The following OR2L2 variants were observed in gnomAD, a reference collection of about 807,000 sequenced individuals.
The protein encoded by OR2L2 is olfactory receptor 2L2.
For missense variants in OR2L2, 378 were observed against 375.2 expected (o/e 1.01, Z -0.06); for synonymous variants, 156 against 135.4 (o/e 1.15, Z -1.06).
chr1:248,037,832 A>T (rs1230934216), intron 2 of OR2L2, among the ~76,000 whole-genome samples: 1 of 152,168 alleles, frequency 6.6e-6, no homozygotes, highest in Non-Finnish European at 1.5e-5. Context: ...ATAAATTTTC[A>T]ATTGGTTTTC....
At chr1:248,035,201 A>G (rs1662723915) in intron 1 of OR2L2, among the ~76,000 whole-genome samples, 2 of 152,098 alleles carry the variant, frequency 1.3e-5, no homozygotes, top group Non-Finnish European at 2.9e-5. Flanking sequence ...CTGTAATCCC[A>G]GTACTTTGGG....
At position 248,040,477 on chromosome 1, in the gene OR2L2, C is replaced by T. The variant is rs1332638311; in HGVS notation, c.*1271C>T. 6.6e-6 allele frequency: 1 copy of T among 152,302 alleles called. No individual in the cohort carries two copies. The highest frequency in any genetic ancestry group is 1.5e-5 in the Non-Finnish European group (1 of 68,114). The allele number at this position is 152,302 out of a possible 1,614,324, so 9.4% of individuals were successfully genotyped here. On this transcript the variant is annotated 3_prime_UTR_variant, in exon 3 of 3. Coordinates refer to ENST00000641771, the MANE Select transcript of OR2L2 (RefSeq NM_001385855.1). ...TGTGGATTTTGTTCTGCCTCCACCACTCCTGAGACAACAAGTACAACCTCT... is the reference window on the plus strand; with the variant it reads ...TGTGGATTTTGTTCTGCCTCCACCATTCCTGAGACAACAAGTACAACCTCT...
chr1:248,032,080 C>A (rs943174294), intron 1 of OR2L2, among the ~76,000 whole-genome samples: 3 of 152,060 alleles, frequency 2.0e-5, no homozygotes, highest in Non-Finnish European at 4.4e-5. Flanking sequence ...TAAATTCAAA[C>A]TATTGCATCA....
chr1:248,036,330 C>CA (rs1662759700), intron 2 of OR2L2, among the ~76,000 whole-genome samples: 1 of 151,914 alleles, frequency 6.6e-6, no homozygotes, highest in African/African-American at 2.4e-5. Flanking sequence ...TCTTTAATTT[C>CA]AAAGAGTCAT....
chr1:248,031,830 C>CT (rs1662629375), intron 1 of OR2L2, among the ~76,000 whole-genome samples: 1 of 151,956 alleles, frequency 6.6e-6, no homozygotes, highest in Admixed American at 6.6e-5. Flanking sequence ...TGTTATTTTT[C>CT]TTTTTTAAAA....
rs966018028 is a variant in OR2L2 at position 248,041,382 on chromosome 1, G to A, written c.*2176G>A. 5 of 152,060 alleles carry A rather than the reference G, an allele frequency of 3.3e-5. No homozygotes were observed. The highest frequency in any genetic ancestry group is 9.7e-5 in the African/African-American group (4 of 41,410). The allele number at this position is 152,060 out of a possible 1,614,324, so 9.4% of individuals were successfully genotyped here. A position where few individuals can be genotyped will look rare whatever the true frequency, so the allele number is the denominator to read the frequency against. On this transcript the variant is annotated 3_prime_UTR_variant, in exon 3 of 3. Transcript: ENST00000641771. ...TTCAAGATGGATTAAAGACTTAAAC[G>A]TTAGACCTAAAACCATAAAAACCCT...
In OR2L2 at chr1:248,041,214, A is replaced by G. The variant is rs1241897417; in HGVS notation, c.*2008A>G. ...CTCAGAAATAACGCCGCATATCTAC[A>G]ACTATCTGATCTTTGACAAACCTGA... On this transcript the variant is annotated 3_prime_UTR_variant, in exon 3 of 3. Transcript: ENST00000641771. 1.3e-5 allele frequency: 2 copies of G among 152,204 alleles called. No homozygotes were observed. The highest frequency in any genetic ancestry group is 4.8e-5 in the African/African-American group (2 of 41,456). The allele number at this position is 152,204 out of a possible 1,614,324, so 9.4% of individuals were successfully genotyped here. A position where few individuals can be genotyped will look rare whatever the true frequency, so the allele number is the denominator to read the frequency against.
chr1:248,036,311 ATTATTGTATC>A (rs1662759226), intron 2 of OR2L2, among the ~76,000 whole-genome samples: 2 of 152,008 alleles, frequency 1.3e-5, no homozygotes, highest in Admixed American at 1.3e-4. Context: ...TGCGGTATCA[ATTATTGTATC>A]TTTAATTTCA....
Position 248,040,171 on chromosome 1 carries a change from C to T in OR2L2, c.*965C>T, listed in dbSNP as rs1662910900. ...ACTATTCAGCTTGGATTGGGATCAG[C>T]TCCTCTGCTCCACTATTTTTATACC... On this transcript the variant is annotated 3_prime_UTR_variant, in exon 3 of 3. Transcript: ENST00000641771. 6.6e-6 allele frequency: 1 copy of T among 152,230 alleles called. No individual in the cohort carries two copies. Among genetic ancestry groups the T allele is most frequent in the African/African-American group, 2.4e-5 (1 of 41,450 alleles). The allele number at this position is 152,230 out of a possible 1,614,324, so 9.4% of individuals were successfully genotyped here. A position where few individuals can be genotyped will look rare whatever the true frequency, so the allele number is the denominator to read the frequency against.
At chr1:248,035,051 T>C (rs1033514720) in intron 1 of OR2L2, among the ~76,000 whole-genome samples, 8 of 133,078 alleles carry the variant, frequency 6.0e-5, no homozygotes, top group East Asian at 4.2e-4. Context: ...TATCTTTCCC[T>C]TTTTTTTTTT....
chr1:248,039,209 A>G lies in OR2L2; in HGVS notation c.*3A>G, dbSNP rs1229821020. On this transcript the variant is annotated 3_prime_UTR_variant, in exon 3 of 3. Coordinates refer to ENST00000641771, the MANE Select transcript of OR2L2 (RefSeq NM_001385855.1). Reference sequence around the variant, plus strand: ...AAATCTTCTCAGTGAAAATGTAGACATACGTTCTGTGTTAGAGTCAAAGCG... The same window carrying G: ...AAATCTTCTCAGTGAAAATGTAGACGTACGTTCTGTGTTAGAGTCAAAGCG... 6.2e-7 allele frequency: 1 copy of G among 1,601,044 alleles called. No individual in the cohort carries two copies. Among genetic ancestry groups the G allele is most frequent in the Non-Finnish European group, 8.5e-7 (1 of 1,173,512 alleles).
chr1:248,037,124 C>G (rs542520384), intron 2 of OR2L2, among the ~76,000 whole-genome samples: 39 of 152,130 alleles, frequency 2.6e-4, no homozygotes, highest in African/African-American at 7.9e-4. Flanking sequence ...GGTGGACATT[C>G]AAAATCAAGA....
Position 248,039,023 on chromosome 1 carries a change from A to T in OR2L2, c.756A>T (p.Ala252=), listed in dbSNP as rs754258419. Residue 252 remains alanine (A), a synonymous_variant, in exon 3 of 3, where the codon GCA becomes GCT. Transcript: ENST00000641771. ...TCACTGTAGTGTCCTTCTACTATGCACCCTTTGCTTATACCTATGTACGTC... is the reference window on the plus strand; with the variant it reads ...TCACTGTAGTGTCCTTCTACTATGCTCCCTTTGCTTATACCTATGTACGTC... ...THLTVVSFYY[A]PFAYTYVRPR... The T allele has an allele frequency of 2.5e-6, 4 of 1,614,010 alleles. No individual in the cohort carries two copies. The East Asian group carries it at 8.9e-5, about 36-fold the overall frequency.
Position 248,038,458 on chromosome 1 carries a change from A to G in OR2L2, c.191A>G (p.Gln64Arg), listed in dbSNP as rs1421932594. 4 of 1,613,664 alleles carry G rather than the reference A, an allele frequency of 2.5e-6. No homozygotes were observed. In the Admixed American group the frequency reaches 6.7e-5, roughly 27 times the overall value. The change falls in exon 3 of 3, where the codon CAG becomes CGG. Residue 64 changes from glutamine to arginine, a missense_variant. By Grantham distance (43) the Gln-to-Arg change is conservative (BLOSUM62 1). Coordinates refer to ENST00000641771, the MANE Select transcript of OR2L2 (RefSeq NM_001385855.1). ...ACACCTATGTATTTCCTACTTAGTC[A>G]GCTCTCCCTCATTGACCTAAATTAC... ...LHTPMYFLLS[Q>R]LSLIDLNYIS...
Position 248,038,838 on chromosome 1 carries a change from A to G in OR2L2, c.571A>G (p.Thr191Ala), listed in dbSNP as rs1467167382. Residue 191 changes from threonine (T) to alanine (A), a missense_variant, in exon 3 of 3, where the codon ACT becomes GCT. Transcript: ENST00000641771. ...PAMLTLACTD[T>A]WVYESTVFLS... ...TATGTTGACGCTAGCCTGCACAGAC[A>G]CTTGGGTCTATGAGAGCACAGTGTT... is the stretch of plus-strand genomic sequence containing the variant. The G allele has an allele frequency of 5.6e-6, 9 of 1,614,034 alleles. No individual in the cohort carries two copies. The highest frequency in any genetic ancestry group is 7.6e-6 in the Non-Finnish European group (9 of 1,180,020).
chr1:248,031,804 A>G (rs1196403236), intron 1 of OR2L2, among the ~76,000 whole-genome samples: 4 of 152,124 alleles, frequency 2.6e-5, no homozygotes, highest in Admixed American at 6.6e-5. Flanking sequence ...GTAGGGGGAG[A>G]TCGGAAAAAT....
intron 2 of OR2L2, among the ~76,000 whole-genome samples, chr1:248,037,636 T>A (rs747940486): frequency 2.6e-5 from 4 of 152,210 alleles, no homozygotes; most frequent in South Asian, 2.1e-4. Flanking sequence ...AATGAGTTCA[T>A]CATTTAAGTG....
At chr1:248,035,089 C>A (rs1662721137) in intron 1 of OR2L2, among the ~76,000 whole-genome samples, 1 of 146,708 alleles carries the variant, frequency 6.8e-6, no homozygotes, top group African/African-American at 2.5e-5. Flanking sequence ...GGCTGAACTT[C>A]CAGTAATATG....
intron 2 of OR2L2, among the ~76,000 whole-genome samples, chr1:248,035,903 T>G (rs1443903509): frequency 5.9e-5 from 9 of 152,176 alleles, no homozygotes; most frequent in Non-Finnish European, 1.2e-4. Flanking sequence ...ATTAAATACA[T>G]AAAATATATA....
Sources: gnomAD v4.1 joint callset for allele counts (sites outside exome capture counted in the v4.1 genomes callset) on GRCh38, gnomAD v4.1.1 for gene constraint, MANE v1.5 for transcripts, NCBI Gene and HGNC (gene_info 2026-07-23, HGNC 2026-07-21) for gene names.